CSMD1: variants seen among roughly 807,000 people sequenced by gnomAD.
CSMD1 encodes the protein CUB and Sushi multiple domains 1.
A neutral mutation model predicts 417.5 loss-of-function variants in CSMD1; 213 were observed. That is an observed-to-expected ratio of 0.51 (90% confidence interval 0.46 to 0.57). The LOEUF (loss-of-function observed/expected upper bound fraction) is 0.57, where lower values mean the gene tolerates loss of function less well. Ranked by LOEUF, CSMD1 falls within the 20% of genes least tolerant of loss-of-function variation. CSMD1 has a pLI of 0.00. For synonymous variants in CSMD1, 2,862 were observed against 1,736.8 expected (o/e 1.65, Z -16.11); for missense variants, 6,923 against 4,529.7 (o/e 1.53, Z -15.17).
intron 25 of CSMD1, among the ~76,000 whole-genome samples, chr8:3,297,508 C>G (rs1043792717): frequency 6.6e-5 from 10 of 152,062 alleles, no homozygotes; most frequent in Non-Finnish European, 1.0e-4. Flanking sequence ...GGAAACAGAT[C>G]TGCATAGATC....
chr8:3,976,617 A>C lies in CSMD1; in HGVS notation c.818+21286T>G, dbSNP rs147929101. Among the ~76,000 whole-genome samples, 922 of 152,340 alleles carry C rather than the reference A, an allele frequency of 6.1e-3. 9 individuals are homozygous for C. Among genetic ancestry groups the C allele is most frequent in the African/African-American group, 0.02 (845 of 41,582 alleles). ...GATTTGCATAAGCATTAATTATTTC[A>C]TCAATGCAACCCTATGACCACCCTG... On this transcript the variant is annotated intron_variant, in intron 5 of 69. Transcript: ENST00000635120.
At chr8:4,253,218 A>G (rs1034758695) in intron 3 of CSMD1, among the ~76,000 whole-genome samples, 1 of 152,166 alleles carries the variant, frequency 6.6e-6, no homozygotes, top group Non-Finnish European at 1.5e-5. Context: ...ATTCCTAGTT[A>G]TCATTCATGG....
intron 5 of CSMD1, among the ~76,000 whole-genome samples, chr8:3,915,313 G>A (rs1048069411): frequency 1.3e-5 from 2 of 149,282 alleles, no homozygotes; most frequent in Admixed American, 6.7e-5. Flanking sequence ...GTCTAAGGCA[G>A]GAGAATCATT....
At chr8:3,440,468 C>T (rs1814899914) in intron 12 of CSMD1, among the ~76,000 whole-genome samples, 1 of 152,084 alleles carries the variant, frequency 6.6e-6, no homozygotes, top group Non-Finnish European at 1.5e-5. Flanking sequence ...TATAGAAATA[C>T]AGTAGATTTT....
intron 5 of CSMD1, among the ~76,000 whole-genome samples, chr8:3,867,090 G>A (rs1209258544): frequency 1.3e-5 from 2 of 151,960 alleles, no homozygotes; most frequent in Non-Finnish European, 2.9e-5. Context: ...TAAAAATATT[G>A]TAACCATTTT....
chr8:4,738,436 C>G (rs1810382703), intron 1 of CSMD1, among the ~76,000 whole-genome samples: 1 of 151,952 alleles, frequency 6.6e-6, no homozygotes. Context: ...GGGGAAAAGC[C>G]CCTTATAAAA....
chr8:4,534,603 A>C (rs1300767759), intron 2 of CSMD1, among the ~76,000 whole-genome samples: 1 of 151,932 alleles, frequency 6.6e-6, no homozygotes, highest in Non-Finnish European at 1.5e-5. Flanking sequence ...TCCCCATTCT[A>C]GTAGCCTGAA....
chr8:3,595,810 G>A (rs1474672577), intron 8 of CSMD1, among the ~76,000 whole-genome samples: 6 of 152,258 alleles, frequency 3.9e-5, no homozygotes, highest in African/African-American at 7.2e-5. Flanking sequence ...AAATCCTCAC[G>A]TTCACCCACC....
At chr8:4,695,726 T>C (rs1807084773) in intron 1 of CSMD1, among the ~76,000 whole-genome samples, 1 of 152,188 alleles carries the variant, frequency 6.6e-6, no homozygotes, top group African/African-American at 2.4e-5. Flanking sequence ...TTACCGTTGG[T>C]ATTTTATGTT....
At chr8:4,166,580 T>C (rs1165759283) in intron 3 of CSMD1, among the ~76,000 whole-genome samples, 1 of 152,112 alleles carries the variant, frequency 6.6e-6, no homozygotes, top group Admixed American at 6.5e-5. Context: ...ATGAGAATGA[T>C]ATAATGGACT....
rs1465551477 is a variant in CSMD1, at chr8:3,667,214, C to G, written c.1009+41200G>C. Among the ~76,000 whole-genome samples, 3 of 152,016 alleles carry G rather than the reference C, an allele frequency of 2.0e-5. 1 individual carries two copies. The highest frequency in any genetic ancestry group is 4.2e-4 in the South Asian group (2 of 4,814). On this transcript the variant is annotated intron_variant, in intron 7 of 69. Coordinates refer to ENST00000635120, the MANE Select transcript of CSMD1 (RefSeq NM_033225.6). Reference sequence around the variant, plus strand: ...GTGCAAACATTTATAAACATTTACACATTATATAATCATAGTCCCTACATT... The same window carrying G: ...GTGCAAACATTTATAAACATTTACAGATTATATAATCATAGTCCCTACATT...
chr8:4,044,553 C>G (rs955937497), intron 3 of CSMD1, among the ~76,000 whole-genome samples: 3 of 152,176 alleles, frequency 2.0e-5, no homozygotes, highest in African/African-American at 7.2e-5. Context: ...ATCTGTGATT[C>G]TACCACGGCA....
In CSMD1 at chr8:4,065,274, T is replaced by C. The variant is rs140476547; in HGVS notation, c.416-33175A>G. 2.7e-3 allele frequency among the ~76,000 whole-genome samples: 414 copies of C among 152,342 alleles called. 2 individuals carry two copies. Among genetic ancestry groups the C allele is most frequent in the African/African-American group, 9.6e-3 (398 of 41,584 alleles). Reference sequence around the variant, plus strand: ...AACATTTCAAGAACCACTGACTCTGTTGGGCAGTGCTTCCCCATCCCCCTC... The same window carrying C: ...AACATTTCAAGAACCACTGACTCTGCTGGGCAGTGCTTCCCCATCCCCCTC... On this transcript the variant is annotated intron_variant, in intron 3 of 69. Coordinates refer to ENST00000635120, the MANE Select transcript of CSMD1 (RefSeq NM_033225.6).
chr8:3,847,943 C>G (rs1162935886), intron 5 of CSMD1, among the ~76,000 whole-genome samples: 1 of 152,114 alleles, frequency 6.6e-6, no homozygotes, highest in East Asian at 1.9e-4. Flanking sequence ...TTCTTGGCTT[C>G]AAAACAACCA....
At chr8:4,696,062 G>A (rs1372749260) in intron 1 of CSMD1, among the ~76,000 whole-genome samples, 1 of 152,162 alleles carries the variant, frequency 6.6e-6, no homozygotes, top group Non-Finnish European at 1.5e-5. Flanking sequence ...TATAAACATG[G>A]ATTTTAACGG....
chr8:3,586,994 T>G (rs1800631070), intron 8 of CSMD1, among the ~76,000 whole-genome samples: 1 of 152,116 alleles, frequency 6.6e-6, no homozygotes, highest in East Asian at 1.9e-4. Context: ...GAGACAGAGT[T>G]TCACCATGTT....
intron 40 of CSMD1, among the ~76,000 whole-genome samples, chr8:3,145,986 G>C (rs1437234167): frequency 6.6e-6 from 1 of 152,218 alleles, no homozygotes; most frequent in South Asian, 2.1e-4. Flanking sequence ...CTAGTTTTTA[G>C]TTGATAGAAC....
intron 3 of CSMD1, among the ~76,000 whole-genome samples, chr8:4,120,526 G>C (rs1198032700): frequency 2.0e-5 from 3 of 151,952 alleles, no homozygotes; most frequent in African/African-American, 4.8e-5. Context: ...TTCTATATTT[G>C]GCATCTTCTG....
chr8:4,621,403 T>A (rs757642493), intron 2 of CSMD1, among the ~76,000 whole-genome samples: 7 of 152,112 alleles, frequency 4.6e-5, no homozygotes, highest in Non-Finnish European at 1.0e-4. Flanking sequence ...ATTTTATAAT[T>A]AGAGATGCTC....
Sources: gnomAD v4.1 joint callset for allele counts (sites outside exome capture counted in the v4.1 genomes callset) on GRCh38, gnomAD v4.1.1 for gene constraint, MANE v1.5 for transcripts, NCBI Gene and HGNC (gene_info 2026-07-23, HGNC 2026-07-21) for gene names.